The following NXPH1 variants were observed in gnomAD, a reference collection of about 807,000 sequenced individuals.
The protein encoded by NXPH1 is neurexophilin 1, also known as neurexophilin-1.
Under a neutral mutation model 23.7 loss-of-function variants are expected in NXPH1, and 5 were observed. That is an observed-to-expected ratio of 0.21 (90% CI 0.11 to 0.44). The LOEUF is 0.44. Among genes scored for constraint, NXPH1 ranks in the 20% least tolerant of loss-of-function variants. The pLI is 0.99. For missense variants in NXPH1, 324 were observed against 321.6 expected (o/e 1.01, Z -0.06); for synonymous variants, 144 against 122.2 (o/e 1.18, Z -1.18).
At chr7:8,460,354 T>C (rs1816672135) in intron 2 of NXPH1, among the ~76,000 whole-genome samples, 1 of 152,174 alleles carries the variant, frequency 6.6e-6, no homozygotes, top group Non-Finnish European at 1.5e-5. Context: ...TGTCTTTATA[T>C]CTATCTTTCC....
chr7:8,715,049 C>A (rs763196030), intron 2 of NXPH1, among the ~76,000 whole-genome samples: 19 of 152,122 alleles, frequency 1.2e-4, no homozygotes, highest in Admixed American at 3.3e-4. Context: ...TTTAGACAGC[C>A]TTTCAAGTTT....
chr7:8,529,480 A>G (rs146828141), intron 2 of NXPH1, among the ~76,000 whole-genome samples: 7 of 152,274 alleles, frequency 4.6e-5, no homozygotes, highest in African/African-American at 1.7e-4. Flanking sequence ...GAGTCATGAT[A>G]AGGGTTCACA....
intron 2 of NXPH1, among the ~76,000 whole-genome samples, chr7:8,521,375 A>T (rs1817768972): frequency 6.6e-6 from 1 of 152,184 alleles, no homozygotes; most frequent in South Asian, 2.1e-4. Context: ...TATAGTTCCC[A>T]GCCCCCTTGC....
chr7:8,435,808 G>A lies in NXPH1; in HGVS notation c.54+41G>A. ...TTCGGGGCTTTCGCATTTTTACCCC[G>A]GCCGGGAGGCAAGGAAACTGGGGAC... On this transcript the variant is annotated intron_variant, in intron 2 of 2. Coordinates refer to ENST00000405863, the MANE Select transcript of NXPH1 (RefSeq NM_152745.3). The surrounding 1 kb of genome is among the most constrained non-coding windows in gnomAD (Gnocchi z 5.9). 1 of 1,596,418 alleles carries A rather than the reference G, an allele frequency of 6.3e-7. No individual in the cohort carries two copies. Among genetic ancestry groups the A allele is most frequent in the East Asian group, 2.2e-5 (1 of 44,782 alleles).
chr7:8,566,196 C>T (rs1427306814), intron 2 of NXPH1, among the ~76,000 whole-genome samples: 4 of 151,894 alleles, frequency 2.6e-5, no homozygotes, highest in East Asian at 2.0e-4. Flanking sequence ...TTGGCACCAT[C>T]GATTCTGATG....
chr7:8,508,040 A>T (rs1817558461), intron 2 of NXPH1, among the ~76,000 whole-genome samples: 1 of 152,112 alleles, frequency 6.6e-6, no homozygotes, highest in Non-Finnish European at 1.5e-5. Context: ...ATCACTGGTC[A>T]CCTGGTACCC....
chr7:8,454,579 G>C (rs193280225), intron 2 of NXPH1, among the ~76,000 whole-genome samples: 2 of 152,192 alleles, frequency 1.3e-5, no homozygotes, highest in African/African-American at 4.8e-5. Flanking sequence ...CTGATGACAT[G>C]CATTGGCCAT....
At chr7:8,562,904 A>G (rs116718133) in intron 2 of NXPH1, among the ~76,000 whole-genome samples, 10,399 of 151,790 alleles carry the variant, frequency 0.069, 379 homozygotes, top group Middle Eastern at 0.1. Context: ...AATTTAAAAA[A>G]TGACATGTAT....
At chr7:8,719,885 T>C (rs1779937469) in intron 2 of NXPH1, among the ~76,000 whole-genome samples, 1 of 152,198 alleles carries the variant, frequency 6.6e-6, no homozygotes, top group Admixed American at 6.5e-5. Flanking sequence ...GAACAGCTTA[T>C]GTACATTCTA....
At chr7:8,703,745 T>C (rs1165406397) in intron 2 of NXPH1, among the ~76,000 whole-genome samples, 4 of 152,118 alleles carry the variant, frequency 2.6e-5, no homozygotes, top group Non-Finnish European at 5.9e-5. Flanking sequence ...AAATCACTGT[T>C]AGATAATCAG....
intron 2 of NXPH1, among the ~76,000 whole-genome samples, chr7:8,672,207 C>T (rs1409871198): frequency 6.6e-6 from 1 of 152,116 alleles, no homozygotes; most frequent in African/African-American, 2.4e-5. Flanking sequence ...AACCATCATT[C>T]TCAGCAAACT....
intron 2 of NXPH1, among the ~76,000 whole-genome samples, chr7:8,722,477 A>T (rs1314820385): frequency 6.6e-6 from 1 of 152,332 alleles, no homozygotes; most frequent in East Asian, 1.9e-4. Context: ...GCCTGGGAAG[A>T]TCTGTGCACA....
chr7:8,557,303 A>G (rs10277743), intron 2 of NXPH1, among the ~76,000 whole-genome samples: 2,578 of 148,804 alleles, frequency 0.017, 76 homozygotes, highest in African/African-American at 0.061. Context: ...AACAACAACA[A>G]CAATGTGATT....
intron 2 of NXPH1, among the ~76,000 whole-genome samples, chr7:8,588,665 C>A (rs917767895): frequency 7.2e-5 from 11 of 151,940 alleles, no homozygotes; most frequent in Non-Finnish European, 1.6e-4. Context: ...GGTTAGGTGC[C>A]CAATGGATTT....
chr7:8,536,721 T>A (rs755276814), intron 2 of NXPH1, among the ~76,000 whole-genome samples: 3 of 151,942 alleles, frequency 2.0e-5, no homozygotes, highest in Non-Finnish European at 4.4e-5. Context: ...TGTTTAGAAA[T>A]CTATATTAAT....
At chr7:8,742,836 A>C (rs1056535401) in intron 2 of NXPH1, among the ~76,000 whole-genome samples, 2 of 152,188 alleles carry the variant, frequency 1.3e-5, no homozygotes, top group Admixed American at 1.3e-4. Flanking sequence ...AAAATAAAGG[A>C]TATATCCTGT....
intron 2 of NXPH1, among the ~76,000 whole-genome samples, chr7:8,658,163 A>T (rs1232352184): frequency 6.6e-6 from 1 of 152,234 alleles, no homozygotes; most frequent in Non-Finnish European, 1.5e-5. Context: ...TCGAAAATAC[A>T]GTATTTCTAT....
At chr7:8,683,899 A>T (rs1476039635) in intron 2 of NXPH1, among the ~76,000 whole-genome samples, 1 of 152,200 alleles carries the variant, frequency 6.6e-6, no homozygotes, top group Non-Finnish European at 1.5e-5. Context: ...TTGCTATAAA[A>T]TGATAATTAT....
At chr7:8,597,672 G>A (rs10231458) in intron 2 of NXPH1, among the ~76,000 whole-genome samples, 32,543 of 142,404 alleles carry the variant, frequency 0.23, 3,935 homozygotes, top group African/African-American at 0.3. Context: ...CTCTGCTTAT[G>A]TAGTCAGGTC....
Sources: gnomAD v4.1 joint callset for allele counts (sites outside exome capture counted in the v4.1 genomes callset) on GRCh38, gnomAD v4.1.1 for gene constraint, Gnocchi (gnomAD v3.1) non-coding constraint, MANE v1.5 for transcripts, NCBI Gene and HGNC (gene_info 2026-07-23, HGNC 2026-07-21) for gene names.